SPOCK3: variants seen among roughly 807,000 people sequenced by gnomAD.
SPOCK3 encodes the protein testican-3.
A neutral mutation model predicts 56.6 loss-of-function variants in SPOCK3; 30 were observed. The ratio of observed to expected loss-of-function variants is 0.53; its 90% CI spans 0.40 to 0.72. The LOEUF is 0.72. Ranked by LOEUF, SPOCK3 falls within the 30% of genes least tolerant of loss-of-function variation. The pLI, the probability that SPOCK3 is intolerant of heterozygous loss-of-function variation, is 0.00. For missense variants in SPOCK3, 527 were observed against 530.0 expected (o/e 0.99, Z 0.06); for synonymous variants, 196 against 183.3 (o/e 1.07, Z -0.56).
chr4:166,966,494 T>G (rs113477453), intron 4 of SPOCK3, among the ~76,000 whole-genome samples: 266 of 152,298 alleles, frequency 1.7e-3, no homozygotes, highest in African/African-American at 6.1e-3. Flanking sequence ...TTCTGATTTC[T>G]TTATGCAGAT....
chr4:166,884,777 C>T (rs1364255351), intron 6 of SPOCK3, among the ~76,000 whole-genome samples: 1 of 151,846 alleles, frequency 6.6e-6, no homozygotes, highest in African/African-American at 2.4e-5. Flanking sequence ...CAGTGAAGGA[C>T]TGGAATTCTA....
At chr4:166,766,352 G>A (rs2126538216) in intron 7 of SPOCK3, among the ~76,000 whole-genome samples, 1 of 152,192 alleles carries the variant, frequency 6.6e-6, no homozygotes, top group Admixed American at 6.5e-5. Context: ...AATATTTTGA[G>A]ATACATCCCA....
At chr4:167,007,530 T>C (rs1278529839) in intron 3 of SPOCK3, among the ~76,000 whole-genome samples, 1 of 152,144 alleles carries the variant, frequency 6.6e-6, no homozygotes, top group Non-Finnish European at 1.5e-5. Context: ...AGTTGTAATC[T>C]GATTTAAGCA....
chr4:166,873,410 A>G (rs939190295), intron 6 of SPOCK3, among the ~76,000 whole-genome samples: 1 of 152,142 alleles, frequency 6.6e-6, no homozygotes, highest in African/African-American at 2.4e-5. Flanking sequence ...TTGGGTGATA[A>G]TGATATATCA....
chr4:167,234,435 T>A lies in SPOCK3; in HGVS notation c.-1+15A>T. The stretch of plus-strand genomic sequence containing the variant: ...GCAGCCCGAGCGGGCACAAAACCGC[T>A]TCCTGGCACATCACCTTGTTGTGAG... On this transcript the variant is annotated intron_variant, in intron 1 of 10. Coordinates refer to ENST00000357545, the MANE Select transcript of SPOCK3 (RefSeq NM_001040159.2). The A allele has an allele frequency of 1.8e-6, 1 of 553,148 alleles. No homozygotes were observed. Among genetic ancestry groups the A allele is most frequent in the East Asian group, 3.0e-5 (1 of 33,114 alleles). 34.3% of individuals were successfully genotyped at this position (553,148 alleles called of 1,614,324 possible).
Position 166,856,800 on chromosome 4 carries a change from CTATCTATCTAGATATCTAGA to C in SPOCK3, c.589+32310_589+32329del, listed in dbSNP as rs1241743647. The stretch of plus-strand genomic sequence containing the variant: ...AAAAATTATCTATCTATCTATCTAT[CTATCTATCTAGATATCTAGA>C]TATCTAGATATCTCTCTATATATAG... On this transcript the variant is annotated intron_variant, in intron 6 of 10. Coordinates refer to ENST00000357545, the MANE Select transcript of SPOCK3 (RefSeq NM_001040159.2). Among the ~76,000 whole-genome samples the C allele has an allele frequency of 1.4e-3, 206 of 151,514 alleles. 1 individual carries two copies. Among genetic ancestry groups the C allele is most frequent in the African/African-American group, 4.8e-3 (199 of 41,318 alleles).
chr4:166,868,987 T>C (rs1268455550), intron 6 of SPOCK3, among the ~76,000 whole-genome samples: 2 of 152,160 alleles, frequency 1.3e-5, no homozygotes, highest in African/African-American at 2.4e-5. Flanking sequence ...TTTAAAGAAC[T>C]GTATGCTAAG....
At chr4:167,108,677 G>T (rs1760403418) in intron 2 of SPOCK3, among the ~76,000 whole-genome samples, 1 of 151,482 alleles carries the variant, frequency 6.6e-6, no homozygotes, top group Non-Finnish European at 1.5e-5. Context: ...TGGGGTGGGG[G>T]AAGCAGTGGA....
intron 4 of SPOCK3, among the ~76,000 whole-genome samples, chr4:166,989,725 CG>C (rs1159783227): frequency 3.9e-5 from 6 of 152,148 alleles, no homozygotes; most frequent in East Asian, 1.9e-4. Flanking sequence ...GTAATTCTTA[CG>C]TTTTTTTGGT....
At chr4:167,153,253 A>C (rs815223) in intron 2 of SPOCK3, among the ~76,000 whole-genome samples, 152,117 of 152,268 alleles carry the variant, frequency 1, 75,983 homozygotes, top group Middle Eastern at 1. Context: ...TATCTTCCTG[A>C]CATGCACTTA....
At chr4:167,120,002 T>C (rs1483152029) in intron 2 of SPOCK3, 1 of 581,742 alleles carries the variant, frequency 1.7e-6, no homozygotes, top group Non-Finnish European at 2.9e-6. Flanking sequence ...TATTTTATGT[T>C]AAAGCAGTGT....
intron 2 of SPOCK3, among the ~76,000 whole-genome samples, chr4:167,074,211 T>C (rs1441265604): frequency 1.3e-5 from 2 of 151,910 alleles, no homozygotes; most frequent in South Asian, 2.1e-4. Flanking sequence ...TCAGTAAAGA[T>C]TTATCACTTG....
intron 4 of SPOCK3, among the ~76,000 whole-genome samples, chr4:166,978,377 G>C (rs1896480): frequency 0.024 from 3,598 of 152,238 alleles, 75 homozygotes; most frequent in Middle Eastern, 0.061. Flanking sequence ...GAGTCAAATA[G>C]GGAGAGTAAT....
chr4:166,791,723 C>T (rs1741381825), intron 7 of SPOCK3, among the ~76,000 whole-genome samples: 1 of 151,742 alleles, frequency 6.6e-6, no homozygotes, highest in Non-Finnish European at 1.5e-5. Context: ...ATTTAATTTG[C>T]AGATATCCTC....
At chr4:166,920,089 T>A (rs533505750) in intron 4 of SPOCK3, among the ~76,000 whole-genome samples, 4 of 152,286 alleles carry the variant, frequency 2.6e-5, no homozygotes, top group South Asian at 4.1e-4. Context: ...AAGTCTCTGG[T>A]GCGTACAATT....
chr4:167,170,533 C>T (rs1730414041), intron 2 of SPOCK3, among the ~76,000 whole-genome samples: 1 of 152,098 alleles, frequency 6.6e-6, no homozygotes, highest in African/African-American at 2.4e-5. Flanking sequence ...CTCATTAAAT[C>T]CCCATGACAA....
intron 4 of SPOCK3, among the ~76,000 whole-genome samples, chr4:166,987,639 CA>C (rs1344564668): frequency 6.6e-6 from 1 of 152,058 alleles, no homozygotes. Context: ...CAAGTTATAA[CA>C]AAAAACTAGA....
chr4:167,062,689 A>C (rs1755731007), intron 2 of SPOCK3, 152 bp from the exon 3 acceptor site: 1 of 590,300 alleles, frequency 1.7e-6, no homozygotes, highest in Non-Finnish European at 3.0e-6. Context: ...TAAATAAATA[A>C]AAATAAAAAA....
At position 167,068,065 on chromosome 4, in the gene SPOCK3, GA is replaced by G. The variant is rs1756334827; in HGVS notation, c.190-5529del. 2.7e-5 allele frequency among the ~76,000 whole-genome samples: 4 copies of G among 146,838 alleles called. No individual in the cohort carries two copies. In the Admixed American group the frequency reaches 2.8e-4, roughly 10 times the overall value. On this transcript the variant is annotated intron_variant, in intron 2 of 10. Transcript: ENST00000357545. Reference sequence around the variant, plus strand: ...GCTCCAATTTCAATTAAATTAGGATGAAAAAATAAAAATTTAATAAAATGCT... The same window carrying G: ...GCTCCAATTTCAATTAAATTAGGATGAAAAATAAAAATTTAATAAAATGCT...
Sources: gnomAD v4.1 joint callset for allele counts (sites outside exome capture counted in the v4.1 genomes callset) on GRCh38, gnomAD v4.1.1 for gene constraint, MANE v1.5 for transcripts, NCBI Gene and HGNC (gene_info 2026-07-23, HGNC 2026-07-21) for gene names.